The following ADGB variants were observed in gnomAD, a reference collection of about 807,000 sequenced individuals.
ADGB encodes the protein androglobin.
ADGB carries 172 observed loss-of-function variants against 210.5 expected under a neutral mutation model. The ratio of observed to expected loss-of-function variants is 0.82; its 90% CI spans 0.72 to 0.93. The LOEUF (loss-of-function observed/expected upper bound fraction) is 0.93, where lower values mean the gene tolerates loss of function less well. ADGB is among the 40% of genes least tolerant of loss of function. The pLI is 0.00. For synonymous variants in ADGB, 658 were observed against 662.7 expected (o/e 0.99, Z 0.11); for missense variants, 2,025 against 1,964.8 (o/e 1.03, Z -0.58).
intron 35 of ADGB, among the ~76,000 whole-genome samples, chr6:146,810,898 T>A (rs1329237833): frequency 6.6e-6 from 1 of 152,148 alleles, no homozygotes; most frequent in Non-Finnish European, 1.5e-5. Flanking sequence ...GCCATCAGAA[T>A]CAATAGTAGT....
At chr6:146,720,111 A>G (rs747959375) in intron 16 of ADGB, among the ~76,000 whole-genome samples, 1 of 152,158 alleles carries the variant, frequency 6.6e-6, no homozygotes, top group Non-Finnish European at 1.5e-5. Flanking sequence ...GTATAGTATA[A>G]TTCAATTAAG....
intron 8 of ADGB, among the ~76,000 whole-genome samples, chr6:146,674,853 T>C (rs372541012): frequency 6.6e-6 from 1 of 152,178 alleles, no homozygotes; most frequent in African/African-American, 2.4e-5. Flanking sequence ...TATCCAAATT[T>C]CTATGTGAAA....
intron 11 of ADGB, among the ~76,000 whole-genome samples, 155 bp downstream of exon 11, chr6:146,691,445 A>T (rs1169737086): frequency 0.082 from 1,327 of 16,224 alleles, 247 homozygotes; most frequent in African/African-American, 0.34. Flanking sequence ...TATATATAAA[A>T]ATATATATAT....
intron 35 of ADGB, among the ~76,000 whole-genome samples, chr6:146,813,597 G>T (rs1399036136): frequency 6.6e-6 from 1 of 150,662 alleles, no homozygotes; most frequent in Non-Finnish European, 1.5e-5. Flanking sequence ...ATTCACTGTT[G>T]TGTCCCCAGA....
At chr6:146,773,903 T>C (rs1036333527) in intron 29 of ADGB, among the ~76,000 whole-genome samples, 7 of 152,112 alleles carry the variant, frequency 4.6e-5, no homozygotes, top group Non-Finnish European at 1.0e-4. Context: ...ACTTATGAGG[T>C]AGGTGTTATT....
intron 10 of ADGB, among the ~76,000 whole-genome samples, chr6:146,690,001 TA>T (rs571572558): frequency 2.6e-5 from 4 of 152,302 alleles, no homozygotes; most frequent in African/African-American, 7.2e-5. Context: ...ACTTAACAAC[TA>T]TTGCATCACT....
At chr6:146,808,423 G>C (rs1277226921) in intron 35 of ADGB, among the ~76,000 whole-genome samples, 2 of 152,178 alleles carry the variant, frequency 1.3e-5, no homozygotes, top group Admixed American at 6.5e-5. Flanking sequence ...GGTCACCTGG[G>C]TGTAGAGAGC....
intron 9 of ADGB, among the ~76,000 whole-genome samples, chr6:146,684,067 A>C (rs1317755681): frequency 6.6e-6 from 1 of 152,062 alleles, no homozygotes; most frequent in Non-Finnish European, 1.5e-5. Context: ...GTGTGTGTTT[A>C]ACATCTGGAA....
chr6:146,670,796 T>A (rs1775995675), intron 7 of ADGB, among the ~76,000 whole-genome samples: 1 of 152,136 alleles, frequency 6.6e-6, no homozygotes, highest in Admixed American at 6.6e-5. Flanking sequence ...ATGTGCTCAA[T>A]GAATTGTGTA....
chr6:146,619,615 G>A (rs2114840335), intron 1 of ADGB, among the ~76,000 whole-genome samples: 1 of 152,024 alleles, frequency 6.6e-6, no homozygotes, highest in Non-Finnish European at 1.5e-5. Flanking sequence ...ATTTTAAATT[G>A]CTAATGACTT....
At chr6:146,637,933 A>G (rs1413474141) in intron 2 of ADGB, among the ~76,000 whole-genome samples, 1 of 152,014 alleles carries the variant, frequency 6.6e-6, no homozygotes, top group African/African-American at 2.4e-5. Context: ...GAGTCACAAC[A>G]ACAAAAAAAT....
In ADGB at chr6:146,716,094, T is replaced by C. The variant is rs554916287; in HGVS notation, c.1741+679T>C. Among the ~76,000 whole-genome samples the C allele has an allele frequency of 4.3e-4, 65 of 150,180 alleles. No homozygotes were observed. The East Asian group carries it at 8.1e-3, about 19-fold the overall frequency. On this transcript the variant is annotated intron_variant, in intron 14 of 35. Transcript: ENST00000397944. ...AAAAATGGTATGCCACATTACTTGG[T>C]AAATATAAAATAAGGCTCTAGAACC...
chr6:146,779,359 T>C (rs547426506), intron 29 of ADGB, among the ~76,000 whole-genome samples: 3 of 152,090 alleles, frequency 2.0e-5, no homozygotes, highest in Non-Finnish European at 4.4e-5. Context: ...ATGTACATAA[T>C]GGGAACTCCA....
intron 22 of ADGB, among the ~76,000 whole-genome samples, chr6:146,736,229 T>C (rs1777076348): frequency 6.6e-6 from 1 of 152,200 alleles, no homozygotes; most frequent in Non-Finnish European, 1.5e-5. Flanking sequence ...ATGTAAACAC[T>C]TTGATGACTA....
At chr6:146,627,499 A>G (rs1780993754) in intron 1 of ADGB, among the ~76,000 whole-genome samples, 5 of 152,078 alleles carry the variant, frequency 3.3e-5, no homozygotes, top group Admixed American at 1.3e-4. Context: ...AGCCATGTTT[A>G]ATGTAGGGCC....
chr6:146,685,883 G>A (rs1354729007), intron 10 of ADGB, 55 bp downstream of exon 10: 45 of 1,070,012 alleles, frequency 4.2e-5, no homozygotes, highest in Non-Finnish European at 4.7e-5. Context: ...GTGGGTGCAC[G>A]TGTGTGTGTG....
intron 35 of ADGB, among the ~76,000 whole-genome samples, chr6:146,812,329 G>A (rs180700090): frequency 1.2e-4 from 18 of 152,334 alleles, no homozygotes; most frequent in Non-Finnish European, 1.0e-4. Flanking sequence ...TCAATGTCTC[G>A]AGATTTGTTA....
At chr6:146,768,731 A>G (rs1322315773) in intron 28 of ADGB, among the ~76,000 whole-genome samples, 1 of 152,224 alleles carries the variant, frequency 6.6e-6, no homozygotes, top group South Asian at 2.1e-4. Flanking sequence ...CTTTATAGTA[A>G]TCTTAAAAAT....
chr6:146,800,137 T>C (rs547297494), intron 33 of ADGB, among the ~76,000 whole-genome samples: 1 of 82,404 alleles, frequency 1.2e-5, no homozygotes, highest in African/African-American at 4.5e-5. Context: ...TAAACTTTTT[T>C]CTTTTTTTTT....
Sources: allele counts gnomAD v4.1 joint callset (sites outside exome capture counted in the v4.1 genomes callset), GRCh38; gene constraint gnomAD v4.1.1; transcripts MANE v1.5; gene names NCBI Gene and HGNC (gene_info 2026-07-23, HGNC 2026-07-21).